Variants in RPL23A observed in about 807,000 individuals in gnomAD.
RPL23A encodes the protein ribosomal protein L23a.
RPL23A carries 2 observed loss-of-function variants against 17.6 expected under a neutral mutation model. The observed-to-expected ratio is 0.11, with a 90% CI of 0.05 to 0.36. RPL23A has a LOEUF of 0.36. Ranked by LOEUF, RPL23A falls within the 10% of genes least tolerant of loss-of-function variation. The pLI is 1.00. For missense variants in RPL23A, 132 were observed against 194.4 expected (o/e 0.68, Z 1.91); for synonymous variants, 65 against 74.3 (o/e 0.87, Z 0.65).
Position 28,720,863 on chromosome 17 carries a change from C to T in RPL23A, c.182C>T (p.Pro61Leu), listed in dbSNP as rs1182354549. The change falls in exon 2 of 5, where the codon CCT (proline) becomes CTT (leucine). Residue 61 changes from proline (P) to leucine (L), a missense_variant. Around this residue, in one of 2 missense-constraint regions of RPL23A, gnomAD observed 69 missense variants for 145.5 expected, o/e 0.47. Transcript: ENST00000422514. The part of the protein sequence containing the change: ...TLRLRRQPKY[P>L]RKSAPRRNKL... ...CGACTCCGGAGACAGCCCAAATATCCTCGGAAGAGCGCTCCCAGGAGAAAC... is the reference window on the plus strand; with the variant it reads ...CGACTCCGGAGACAGCCCAAATATCTTCGGAAGAGCGCTCCCAGGAGAAAC... 6.2e-7 allele frequency: 1 copy of T among 1,614,106 alleles called. No individual in the cohort carries two copies. Among genetic ancestry groups the T allele is most frequent in the Admixed American group, 1.7e-5 (1 of 60,026 alleles).
Position 28,721,125 on chromosome 17 carries a change from G to C in RPL23A, c.209+235G>C, listed in dbSNP as rs1339199972. On this transcript the variant is annotated intron_variant, in intron 2 of 4. Transcript: ENST00000422514. ...CCAGCACTTTGGGAGGCCGAGGGGGGGCGGATCACTTGAGGTCAGGGGTTC... is the reference window on the plus strand; with the variant it reads ...CCAGCACTTTGGGAGGCCGAGGGGGCGCGGATCACTTGAGGTCAGGGGTTC... 7.3e-6 allele frequency: 3 copies of C among 413,362 alleles called. No homozygotes were observed. The Admixed American group carries it at 1.1e-4, about 15-fold the overall frequency. 25.6% of individuals were successfully genotyped at this position (413,362 alleles called of 1,614,324 possible). A position where few individuals can be genotyped will look rare whatever the true frequency, so the allele number is the denominator to read the frequency against.
Position 28,723,552 on chromosome 17 carries a change from G to C in RPL23A, c.387-19G>C, listed in dbSNP as rs1286185921. 6.2e-7 allele frequency: 1 copy of C among 1,605,862 alleles called. No individual in the cohort carries two copies. The highest frequency in any genetic ancestry group is 8.5e-7 in the Non-Finnish European group (1 of 1,172,652). ...GGCAGTGAGGGTGGCAGGGACTAAG[G>C]CTTCCTTCTCTACCCTAGGCCTGAT... On this transcript the variant is annotated intron_variant, in intron 3 of 4. Transcript: ENST00000422514.
chr17:28,720,985 A>C, intron 2 of RPL23A, 95 bp downstream of exon 2: 1 of 1,068,992 alleles, frequency 9.4e-7, no homozygotes, highest in African/African-American at 1.6e-5. Context: ...TCTCAAACGC[A>C]AATTGTGTCC....
In RPL23A at chr17:28,722,723, G is replaced by A; in HGVS notation, c.210G>A (p.Lys70=). Residue 70 remains lysine, a splice_region_variant and synonymous_variant, in exon 3 of 5, where the codon AAG becomes AAA. Transcript: ENST00000422514. ...GGTGACCCCATTTTGCCTCTCCCAG[G>A]CTTGACCACTATGCTATCATCAAGT... is the stretch of plus-strand genomic sequence containing the variant. ...YPRKSAPRRN[K]LDHYAIIKFP... The A allele has an allele frequency of 6.2e-7, 1 of 1,614,108 alleles. No individual in the cohort carries two copies. Among genetic ancestry groups the A allele is most frequent in the Non-Finnish European group, 8.5e-7 (1 of 1,179,976 alleles).
chr17:28,720,975 T>C (rs1265106192), intron 2 of RPL23A, 85 bp downstream of exon 2: 3 of 1,180,934 alleles, frequency 2.5e-6, no homozygotes, highest in African/African-American at 1.5e-5. Context: ...CGTGATGGTT[T>C]CTCAAACGCA....
chr17:28,722,695 C>G, intron 2 of RPL23A, 28 bp from the exon 3 acceptor site: 1 of 1,607,828 alleles, frequency 6.2e-7, no homozygotes, highest in East Asian at 2.2e-5. Context: ...TGGGCCCAGG[C>G]CAGGTGACCC....
chr17:28,720,359 T>C, intron 1 of RPL23A: 1 of 1,555,468 alleles, frequency 6.4e-7, no homozygotes, highest in Non-Finnish European at 8.7e-7. Context: ...GCTTTAACCA[T>C]TTTCCTTCTG....
At chr17:28,723,750 C>A in intron 4 of RPL23A, 110 bp downstream of exon 4, 1 of 1,342,624 alleles carries the variant, frequency 7.4e-7, no homozygotes, top group Non-Finnish European at 1.1e-6. Context: ...TAACTGACTG[C>A]ACCCCTATCC....
chr17:28,720,391 A>C (rs2034092218), intron 1 of RPL23A: 2 of 1,580,286 alleles, frequency 1.3e-6, no homozygotes, highest in Non-Finnish European at 1.7e-6. Context: ...ACCGGGCTAC[A>C]TTACCCGCCC....
rs777332795 is a variant in RPL23A at position 28,723,604 on chromosome 17, G to A, written c.420G>A (p.Leu140=). The part of the protein sequence containing the change: ...PDGEKKAYVR[L]APDYDALDVA... ...GAGAGAAGAAGGCATATGTTCGACT[G>A]GCTCCTGATTACGATGCTTTGGATG... Residue 140 remains leucine, a synonymous_variant, in exon 4 of 5, where the codon CTG becomes CTA. Coordinates refer to ENST00000422514, the MANE Select transcript of RPL23A (RefSeq NM_000984.6). 3.7e-6 allele frequency: 6 copies of A among 1,614,034 alleles called. No homozygotes were observed. The highest frequency in any genetic ancestry group is 5.1e-6 in the Non-Finnish European group (6 of 1,179,990).
chr17:28,720,830 A>G lies in RPL23A; in HGVS notation c.149A>G (p.Lys50Arg), dbSNP rs1366689500. ...IRTSPTFRRP[K>R]TLRLRRQPKY... is the part of the protein sequence containing the mutation. ...ACGTCACCCACCTTCCGGCGGCCGAAGACACTGCGACTCCGGAGACAGCCC... is the reference window on the plus strand; with the variant it reads ...ACGTCACCCACCTTCCGGCGGCCGAGGACACTGCGACTCCGGAGACAGCCC... Residue 50 changes from lysine (K) to arginine (R), a missense_variant, in exon 2 of 5, where the codon AAG becomes AGG. By Grantham distance (26) the Lys-to-Arg change is conservative. Transcript: ENST00000422514. 1 of 1,613,966 alleles carries G rather than the reference A, an allele frequency of 6.2e-7. No individual in the cohort carries two copies. Among genetic ancestry groups the G allele is most frequent in the East Asian group, 2.2e-5 (1 of 44,898 alleles).
intron 2 of RPL23A, 179 bp from the exon 3 acceptor site, chr17:28,722,544 T>C (rs1450179171): frequency 1.3e-6 from 1 of 765,248 alleles, no homozygotes; most frequent in Non-Finnish European, 2.4e-6. Context: ...CACAACGTTC[T>C]GCCCCTGGGA....
chr17:28,722,894 G>C lies in RPL23A; in HGVS notation c.381G>C (p.Leu127=), dbSNP rs1208060105. 3.7e-6 allele frequency: 6 copies of C among 1,613,606 alleles called. No individual in the cohort carries two copies. Among genetic ancestry groups the C allele is most frequent in the Non-Finnish European group, 5.1e-6 (6 of 1,179,702 alleles). Residue 127 remains leucine, a synonymous_variant, in exon 3 of 5, where the codon CTG becomes CTC. Coordinates refer to ENST00000422514, the MANE Select transcript of RPL23A (RefSeq NM_000984.6). ...YDIDVAKVNT[L]IRPDGEKKAY... ...TTGATGTGGCCAAGGTCAACACCCT[G>C]ATTCGGTGAGTTGGGCCTCAAGGGA... is the stretch of plus-strand genomic sequence containing the variant.
intron 1 of RPL23A, 198 bp downstream of exon 1, chr17:28,720,228 G>GT (rs887052606): frequency 5.8e-6 from 9 of 1,539,012 alleles, no homozygotes; most frequent in East Asian, 2.5e-5. Context: ...AGGGAGTTGG[G>GT]GGGGGGCAAC....
intron 2 of RPL23A, 69 bp downstream of exon 2, chr17:28,720,959 A>C: frequency 7.3e-7 from 1 of 1,361,336 alleles, no homozygotes; most frequent in Non-Finnish European, 1.0e-6. Flanking sequence ...AAATTCACTC[A>C]CTCTGCGTGA....
chr17:28,722,588 G>GT, intron 2 of RPL23A, 135 bp from the exon 3 acceptor site: 2 of 806,938 alleles, frequency 2.5e-6, no homozygotes, highest in South Asian at 1.3e-5. Context: ...TCAGGGTGCA[G>GT]ATGATGACAC....
chr17:28,720,652 C>T (rs754792766), intron 1 of RPL23A, 55 bp from the exon 2 acceptor site: 37 of 1,592,946 alleles, frequency 2.3e-5, no homozygotes, highest in African/African-American at 2.7e-5. Flanking sequence ...TTCTTGGGGC[C>T]GGAAGTGACC....
At chr17:28,720,234 G>C in intron 1 of RPL23A, 1 of 1,538,626 alleles carries the variant, frequency 6.5e-7, no homozygotes, top group South Asian at 1.2e-5. Flanking sequence ...TTGGGGGGGG[G>C]CAACGCGGCA....
chr17:28,722,899 G>T lies in RPL23A; in HGVS notation c.386G>T (p.Arg129Leu). The change falls in exon 3 of 5, where the codon CGG becomes CTG. Residue 129 changes from arginine (R) to leucine (L), a missense_variant and splice_region_variant. This residue lies in a region of RPL23A where 69 missense variants were observed against 145.5 expected (regional missense o/e 0.47). Transcript: ENST00000422514. Reference protein sequence around the residue: ...IDVAKVNTLIRPDGEKKAYVR... With the variant: ...IDVAKVNTLILPDGEKKAYVR... ...GTGGCCAAGGTCAACACCCTGATTC[G>T]GTGAGTTGGGCCTCAAGGGATGGGG... is the stretch of plus-strand genomic sequence containing the variant. The T allele has an allele frequency of 6.2e-7, 1 of 1,613,334 alleles. No homozygotes were observed. Among genetic ancestry groups the T allele is most frequent in the Non-Finnish European group, 8.5e-7 (1 of 1,179,446 alleles).
Sources: allele counts gnomAD v4.1 joint callset, GRCh38; gene constraint gnomAD v4.1.1; regional missense constraint gnomAD v4.1.1; transcripts MANE v1.5; gene names NCBI Gene and HGNC (gene_info 2026-07-23, HGNC 2026-07-21).